The following CFAP210 variants were observed in gnomAD, a reference collection of about 807,000 sequenced individuals.
CFAP210 encodes the protein cilia and flagella associated protein 210.
At chr2:169,670,037 T>C in the CFAP210 span, among the ~76,000 whole-genome samples, 1 of 152,202 alleles carries the variant, frequency 6.6e-6, no homozygotes, top group Non-Finnish European at 1.5e-5. Context: ...TAGGAAAAAG[T>C]GATGCAAACT....
At chr2:169,671,676 G>T in the CFAP210 span, among the ~76,000 whole-genome samples, 1 of 152,128 alleles carries the variant, frequency 6.6e-6, no homozygotes, top group Non-Finnish European at 1.5e-5. Context: ...CACCATGTTG[G>T]TCAAGCTGGT....
the CFAP210 span, chr2:169,645,850 A>G: frequency 1.2e-6 from 2 of 1,607,478 alleles, no homozygotes; most frequent in Non-Finnish European, 1.7e-6. Context: ...TCTACCATGT[A>G]AAACCTAGCC....
chr2:169,648,879 A>C, the CFAP210 span, among the ~76,000 whole-genome samples: 151 of 152,334 alleles, frequency 9.9e-4, 4 homozygotes, highest in East Asian at 0.025. Flanking sequence ...TCTCTGAGAT[A>C]TGGGAAAAAA....
At chr2:169,672,542 C>T in the CFAP210 span, among the ~76,000 whole-genome samples, 473 of 152,294 alleles carry the variant, frequency 3.1e-3, 3 homozygotes, top group African/African-American at 0.011. Flanking sequence ...CCCAAGAGCC[C>T]CCAGCAAGCT....
chr2:169,688,940 T>C, the CFAP210 span, among the ~76,000 whole-genome samples: 1 of 152,192 alleles, frequency 6.6e-6, no homozygotes, highest in Non-Finnish European at 1.5e-5. Context: ...GATAAAGACA[T>C]ACCTAAGACT....
chr2:169,682,150 GA>G, the CFAP210 span, among the ~76,000 whole-genome samples: 1 of 152,114 alleles, frequency 6.6e-6, no homozygotes, highest in African/African-American at 2.4e-5. Context: ...GATCTCCTTG[GA>G]AAAACGGTCC....
chr2:169,654,354 G>C, the CFAP210 span: 1 of 674,132 alleles, frequency 1.5e-6, no homozygotes, highest in South Asian at 2.6e-5. Flanking sequence ...CCAAAGAGAT[G>C]ATCAGAGAAG....
At chr2:169,662,396 AT>A in the CFAP210 span, 12 of 1,601,148 alleles carry the variant, frequency 7.5e-6, no homozygotes, top group Admixed American at 1.7e-4. Flanking sequence ...TTTTCTTCAT[AT>A]TTTTTCCTTC....
chr2:169,672,371 TGA>T, the CFAP210 span, among the ~76,000 whole-genome samples: 1 of 152,182 alleles, frequency 6.6e-6, no homozygotes, highest in South Asian at 2.1e-4. Flanking sequence ...TGTGTATGTG[TGA>T]GTTTATTTGG....
At chr2:169,675,816 C>T in the CFAP210 span, among the ~76,000 whole-genome samples, 1 of 152,136 alleles carries the variant, frequency 6.6e-6, no homozygotes, top group African/African-American at 2.4e-5. Flanking sequence ...ATATCTCACT[C>T]CTTTTGCTCC....
chr2:169,650,614 G>A, the CFAP210 span: 3 of 1,351,752 alleles, frequency 2.2e-6, no homozygotes, highest in Non-Finnish European at 2.9e-6. Context: ...ATATTTTGCA[G>A]TCTCTTACAA....
chr2:169,685,059 A>T, the CFAP210 span, among the ~76,000 whole-genome samples: 4 of 152,190 alleles, frequency 2.6e-5, no homozygotes, highest in African/African-American at 9.7e-5. Flanking sequence ...CCACCATTTG[A>T]CTATTATGAA....
At chr2:169,670,139 G>A in the CFAP210 span, among the ~76,000 whole-genome samples, 14 of 152,256 alleles carry the variant, frequency 9.2e-5, no homozygotes, top group Non-Finnish European at 2.9e-5. Flanking sequence ...AAGTCTATGT[G>A]TCTGTTCCTA....
chr2:169,689,631 A>C, the CFAP210 span, among the ~76,000 whole-genome samples: 2 of 152,192 alleles, frequency 1.3e-5, no homozygotes, highest in African/African-American at 4.8e-5. Context: ...CCATGGCTAG[A>C]ATTTCCAGTA....
At chr2:169,673,246 C>G in the CFAP210 span, among the ~76,000 whole-genome samples, 237 of 152,304 alleles carry the variant, frequency 1.6e-3, no homozygotes, top group African/African-American at 5.4e-3. Context: ...AGCCCAGATA[C>G]AAAGGCTATA....
At chr2:169,650,841 G>A in the CFAP210 span, among the ~76,000 whole-genome samples, 2 of 151,690 alleles carry the variant, frequency 1.3e-5, no homozygotes, top group East Asian at 3.9e-4. Context: ...GCTCATGCCT[G>A]TAATCCCAAC....
chr2:169,656,518 GAGGAGA>G, the CFAP210 span, among the ~76,000 whole-genome samples: 3 of 137,810 alleles, frequency 2.2e-5, no homozygotes, highest in Non-Finnish European at 4.9e-5. Context: ...GGAGGAGGAG[GAGGAGA>G]AGGAGACAGG....
the CFAP210 span, among the ~76,000 whole-genome samples, chr2:169,649,017 T>G: frequency 1.3e-5 from 2 of 152,220 alleles, no homozygotes; most frequent in Admixed American, 1.3e-4. Flanking sequence ...GGAACTTCAC[T>G]GGAGATAGAA....
At chr2:169,675,230 AC>A in the CFAP210 span, among the ~76,000 whole-genome samples, 2 of 152,326 alleles carry the variant, frequency 1.3e-5, no homozygotes, top group African/African-American at 2.4e-5. Flanking sequence ...TAACACATTT[AC>A]ATGGTTCAAA....
Sources: allele counts gnomAD v4.1 joint callset (sites outside exome capture counted in the v4.1 genomes callset), GRCh38; gene constraint gnomAD v4.1.1; transcripts MANE v1.5; gene names NCBI Gene and HGNC (gene_info 2026-07-23, HGNC 2026-07-21).